The following STK32A variants were observed in gnomAD, a reference collection of about 807,000 sequenced individuals.
STK32A encodes the protein serine/threonine-protein kinase 32A.
In STK32A, 41 loss-of-function variants were observed where a neutral mutation model predicts 53.2. The ratio of observed to expected loss-of-function variants is 0.77; its 90% CI spans 0.60 to 1.00. STK32A has a LOEUF of 1.00. Ranked by LOEUF, STK32A falls within the 50% of genes least tolerant of loss-of-function variation. The pLI is 0.00. For synonymous variants in STK32A, 166 were observed against 162.8 expected (o/e 1.02, Z -0.15); for missense variants, 458 against 485.8 (o/e 0.94, Z 0.54).
At chr5:147,329,756 C>A (rs894407967) in intron 5 of STK32A, among the ~76,000 whole-genome samples, 1 of 152,182 alleles carries the variant, frequency 6.6e-6, no homozygotes, top group South Asian at 2.1e-4. Flanking sequence ...TCTCCCCTCT[C>A]CAATCTTAAG....
At chr5:147,242,570 AG>A (rs1753625512) in intron 2 of STK32A, among the ~76,000 whole-genome samples, 1 of 152,202 alleles carries the variant, frequency 6.6e-6, no homozygotes, top group African/African-American at 2.4e-5. Context: ...TTTGGGCTGA[AG>A]CCTGAAAGAT....
chr5:147,330,857 C>G (rs1163739054), intron 5 of STK32A, among the ~76,000 whole-genome samples: 1 of 152,180 alleles, frequency 6.6e-6, no homozygotes, highest in Non-Finnish European at 1.5e-5. Context: ...ATTTACCAAT[C>G]AAGGTCCTGT....
intron 2 of STK32A, among the ~76,000 whole-genome samples, chr5:147,251,090 G>A (rs1211333321): frequency 6.6e-6 from 1 of 152,092 alleles, no homozygotes; most frequent in Non-Finnish European, 1.5e-5. Context: ...TTTAAGATGA[G>A]GTACTAGAGC....
intron 8 of STK32A, among the ~76,000 whole-genome samples, chr5:147,365,989 C>T (rs1756725683): frequency 6.6e-6 from 1 of 152,022 alleles, no homozygotes; most frequent in Admixed American, 6.6e-5. Context: ...ACAGATATGA[C>T]CTTTTTTGTT....
intron 4 of STK32A, among the ~76,000 whole-genome samples, chr5:147,318,609 T>TA (rs879478287): frequency 1.1e-3 from 154 of 134,654 alleles, no homozygotes; most frequent in East Asian, 6.8e-3. Flanking sequence ...TACTAAAAAT[T>TA]AAAAAAAAAA....
Position 147,323,940 on chromosome 5 carries a change from C to T in STK32A, c.303C>T (p.Asp101=). 1.2e-6 allele frequency: 2 copies of T among 1,613,710 alleles called. No individual in the cohort carries two copies. Among genetic ancestry groups the T allele is most frequent in the African/African-American group, 1.3e-5 (1 of 75,034 alleles). The change falls in exon 5 of 13, where the codon GAC becomes GAT. Residue 101 remains aspartate, a synonymous_variant. Transcript: ENST00000397936. ...QDEEDMFMVV[D]LLLGGDLRYH... ...AGGAAGACATGTTCATGGTGGTGGA[C>T]CTCCTGCTGGGTGGAGACCTGCGTT...
intron 7 of STK32A, among the ~76,000 whole-genome samples, chr5:147,354,167 T>C (rs1349135310): frequency 6.6e-6 from 1 of 152,168 alleles, no homozygotes; most frequent in Non-Finnish European, 1.5e-5. Flanking sequence ...GGAATAAATC[T>C]CTTTTGTCAC....
intron 4 of STK32A, among the ~76,000 whole-genome samples, chr5:147,291,386 G>T (rs766817432): frequency 6.6e-6 from 1 of 152,038 alleles, no homozygotes; most frequent in Admixed American, 6.6e-5. Context: ...GGATGGCATC[G>T]CAGGGTGCCA....
chr5:147,378,883 C>CTTTTTTTTTTTTTTTTTTT (rs1757341592), intron 11 of STK32A, among the ~76,000 whole-genome samples: 2 of 26,684 alleles, frequency 7.5e-5, no homozygotes, highest in African/African-American at 1.4e-4. Flanking sequence ...TTTTTTTTTG[C>CTTTTTTTTTTTTTTTTTTT]TTAGGATTGT....
At chr5:147,388,433 T>C (rs879763224), downstream of STK32A, among the ~76,000 whole-genome samples, 3 of 152,128 alleles carry the variant, frequency 2.0e-5, no homozygotes, top group African/African-American at 7.2e-5. Context: ...CTGTTGTAAG[T>C]TTTGTGGCCT....
chr5:147,372,975 TCATCA>T (rs1243900993), intron 9 of STK32A, among the ~76,000 whole-genome samples, 189 bp from the exon 10 acceptor site: 1 of 152,208 alleles, frequency 6.6e-6, no homozygotes, highest in Non-Finnish European at 1.5e-5. Context: ...CCATTTTTAC[TCATCA>T]CATTGCAGAA....
the STK32A span, among the ~76,000 whole-genome samples, chr5:147,400,167 C>T: frequency 6.6e-6 from 1 of 152,082 alleles, no homozygotes. Context: ...CTATTTCTTT[C>T]GTCAGTCCTT....
At chr5:147,273,738 A>T (rs1755143427) in intron 2 of STK32A, among the ~76,000 whole-genome samples, 1 of 152,226 alleles carries the variant, frequency 6.6e-6, no homozygotes. Context: ...CTTGGTTTTA[A>T]AAAAGGTACA....
intron 9 of STK32A, 39 bp downstream of exon 9, chr5:147,370,809 A>T: frequency 1.5e-6 from 2 of 1,342,078 alleles, no homozygotes; most frequent in South Asian, 2.4e-5. Context: ...AAGTAACAAA[A>T]GGAAGCAGGC....
At chr5:147,375,027 G>A (rs1757172903) in intron 10 of STK32A, 63 bp from the exon 11 acceptor site, 1 of 1,478,094 alleles carries the variant, frequency 6.8e-7, no homozygotes, top group Admixed American at 2.3e-5. Flanking sequence ...TCCGTATTAG[G>A]TCTGCTGTGT....
At chr5:147,264,889 A>G (rs4705147) in intron 2 of STK32A, among the ~76,000 whole-genome samples, 42,741 of 151,858 alleles carry the variant, frequency 0.28, 6,264 homozygotes, top group Admixed American at 0.35. Context: ...TTTTTAAAAA[A>G]TAACAAATCT....
intron 5 of STK32A, among the ~76,000 whole-genome samples, chr5:147,327,213 G>C (rs1754642192): frequency 6.6e-6 from 1 of 152,196 alleles, no homozygotes; most frequent in Non-Finnish European, 1.5e-5. Context: ...TCCTGGGCCA[G>C]AGAGTGCAAA....
downstream of STK32A, chr5:147,390,669 G>A (rs1484246220): frequency 2.0e-5 from 3 of 152,050 alleles, no homozygotes; most frequent in African/African-American, 7.2e-5. Flanking sequence ...AAAAATAGAA[G>A]CCCCCAATTT....
intron 4 of STK32A, among the ~76,000 whole-genome samples, chr5:147,296,262 T>C (rs1752860373): frequency 6.6e-6 from 1 of 152,136 alleles, no homozygotes; most frequent in African/African-American, 2.4e-5. Context: ...AAGTTTATTT[T>C]AAAAGTTTTA....
Sources: allele counts gnomAD v4.1 joint callset (sites outside exome capture counted in the v4.1 genomes callset), GRCh38; gene constraint gnomAD v4.1.1; transcripts MANE v1.5; gene names NCBI Gene and HGNC (gene_info 2026-07-23, HGNC 2026-07-21).